ST18: variants seen among roughly 807,000 people sequenced by gnomAD.
ST18 encodes suppression of tumorigenicity 18 protein.
Under a neutral mutation model 110.0 loss-of-function variants are expected in ST18, and 50 were observed. The observed-to-expected ratio is 0.45, with a 90% confidence interval of 0.36 to 0.58. The LOEUF (loss-of-function observed/expected upper bound fraction) is 0.58. Among genes scored for constraint, ST18 ranks in the 20% least tolerant of loss-of-function variants. The probability of loss-of-function intolerance (pLI) is 0.00; values close to 1 mark genes in which losing one functional copy is unlikely to be tolerated. For missense variants in ST18, 1,306 were observed against 1,280.1 expected (o/e 1.02, Z -0.31); for synonymous variants, 461 against 452.4 (o/e 1.02, Z -0.24).
chr8:52,136,898 C>A (rs1412730865), intron 18 of ST18, among the ~76,000 whole-genome samples: 1 of 152,118 alleles, frequency 6.6e-6, no homozygotes, highest in East Asian at 1.9e-4. Flanking sequence ...CCAATGAGAC[C>A]CCCCAACTCT....
intron 2 of ST18, among the ~76,000 whole-genome samples, chr8:52,307,121 CCAACCTGGGCGG>C (rs1351620041): frequency 1.3e-5 from 2 of 151,962 alleles, no homozygotes; most frequent in Non-Finnish European, 2.9e-5. Context: ...AAGTTCGAGA[CCAACCTGGGCGG>C]CATAGTGGGA....
chr8:52,206,225 C>A (rs566700267), intron 8 of ST18, among the ~76,000 whole-genome samples: 7 of 152,136 alleles, frequency 4.6e-5, no homozygotes, highest in Non-Finnish European at 1.0e-4. Flanking sequence ...CTGTATGGCT[C>A]CAACCAGACG....
chr8:52,323,329 A>G (rs1485859676), intron 2 of ST18, among the ~76,000 whole-genome samples: 2 of 152,240 alleles, frequency 1.3e-5, no homozygotes, highest in Non-Finnish European at 2.9e-5. Context: ...CACCATCAAA[A>G]TATGTTTAAC....
chr8:52,153,246 T>C (rs1014788019), intron 15 of ST18, among the ~76,000 whole-genome samples: 2 of 152,216 alleles, frequency 1.3e-5, no homozygotes, highest in African/African-American at 4.8e-5. Flanking sequence ...GAAAGCACTG[T>C]TTTCCTGACT....
intron 2 of ST18, among the ~76,000 whole-genome samples, chr8:52,372,215 A>T (rs1830513224): frequency 6.6e-6 from 1 of 152,196 alleles, no homozygotes; most frequent in African/African-American, 2.4e-5. Context: ...AAAAGTTTTT[A>T]AAATTTTTTT....
chr8:52,182,172 T>C (rs965148671), intron 8 of ST18, among the ~76,000 whole-genome samples: 3 of 152,204 alleles, frequency 2.0e-5, no homozygotes, highest in Admixed American at 6.5e-5. Context: ...AAAATCATAG[T>C]AATTGAAGCA....
intron 2 of ST18, among the ~76,000 whole-genome samples, chr8:52,358,190 G>A (rs964361650): frequency 6.6e-5 from 10 of 151,712 alleles, no homozygotes; most frequent in African/African-American, 2.4e-4. Flanking sequence ...AACATCTATG[G>A]GATCCACTGA....
chr8:52,314,726 G>C (rs2095991462), intron 2 of ST18, among the ~76,000 whole-genome samples: 1 of 152,062 alleles, frequency 6.6e-6, no homozygotes, highest in South Asian at 2.1e-4. Context: ...AACCCTCCCT[G>C]GCCCCAACCA....
chr8:52,251,277 A>G (rs1419458105), intron 2 of ST18, among the ~76,000 whole-genome samples: 7 of 152,280 alleles, frequency 4.6e-5, no homozygotes, highest in Admixed American at 3.3e-4. Flanking sequence ...TACTTACCTC[A>G]ATATTTCAAC....
intron 5 of ST18, among the ~76,000 whole-genome samples, chr8:52,220,304 A>C (rs1335365218): frequency 6.6e-6 from 1 of 152,230 alleles, no homozygotes; most frequent in Non-Finnish European, 1.5e-5. Flanking sequence ...TCCAATTATT[A>C]CTTTTTAGTG....
At chr8:52,304,151 G>T (rs930077914) in intron 2 of ST18, among the ~76,000 whole-genome samples, 1 of 152,000 alleles carries the variant, frequency 6.6e-6, no homozygotes, top group Non-Finnish European at 1.5e-5. Context: ...ATAACTGCAG[G>T]ATATAAAATA....
chr8:52,164,327 A>G (rs990986306), intron 12 of ST18, among the ~76,000 whole-genome samples: 3 of 152,260 alleles, frequency 2.0e-5, no homozygotes, highest in Admixed American at 6.5e-5. Context: ...ACATCAAAAC[A>G]TTATGTAAGG....
At chr8:52,210,514 C>T (rs866524304) in intron 8 of ST18, among the ~76,000 whole-genome samples, 6 of 151,664 alleles carry the variant, frequency 4.0e-5, no homozygotes, top group South Asian at 4.2e-4. Flanking sequence ...AAAAATTAGC[C>T]GGGTGTGGTG....
intron 2 of ST18, among the ~76,000 whole-genome samples, chr8:52,299,786 G>C (rs1354681787): frequency 3.3e-5 from 5 of 152,178 alleles, no homozygotes; most frequent in African/African-American, 1.2e-4. Flanking sequence ...CCAAAAGTGG[G>C]TGTAAGCTTC....
At chr8:52,144,025 G>A (rs1477936382) in intron 16 of ST18, among the ~76,000 whole-genome samples, 1 of 152,026 alleles carries the variant, frequency 6.6e-6, no homozygotes, top group African/African-American at 2.4e-5. Flanking sequence ...GGAATTTCTT[G>A]TTGGATATTC....
At chr8:52,348,476 G>T (rs1818714251) in intron 2 of ST18, among the ~76,000 whole-genome samples, 1 of 152,180 alleles carries the variant, frequency 6.6e-6, no homozygotes, top group Admixed American at 6.5e-5. Flanking sequence ...ATTTCAGCTG[G>T]GTGCGGTGGC....
chr8:52,134,325 G>C (rs950264641), intron 19 of ST18, among the ~76,000 whole-genome samples: 5 of 152,172 alleles, frequency 3.3e-5, no homozygotes, highest in Admixed American at 6.5e-5. Flanking sequence ...TGCTGATTAG[G>C]AATAGGTTTC....
intron 25 of ST18, among the ~76,000 whole-genome samples, chr8:52,115,754 T>G (rs992875635): frequency 6.6e-6 from 1 of 152,196 alleles, no homozygotes. Context: ...CTAAAATACA[T>G]GCTTAGATTT....
chr8:52,348,535 C>T (rs980522899), intron 2 of ST18, among the ~76,000 whole-genome samples: 8 of 152,242 alleles, frequency 5.3e-5, no homozygotes, highest in Admixed American at 3.9e-4. Context: ...GGCATATCAC[C>T]TGAGTTCGAG....
Sources: gnomAD v4.1 joint callset for allele counts (sites outside exome capture counted in the v4.1 genomes callset) on GRCh38, gnomAD v4.1.1 for gene constraint, MANE v1.5 for transcripts, NCBI Gene and HGNC (gene_info 2026-07-23, HGNC 2026-07-21) for gene names.